The following LAMA2 variants were observed in gnomAD, a reference collection of about 807,000 sequenced individuals.
LAMA2 encodes laminin subunit alpha-2.
A neutral mutation model predicts 364.8 loss-of-function variants in LAMA2; 269 were observed. The ratio of observed to expected loss-of-function variants is 0.74; its 90% confidence interval spans 0.67 to 0.82. The LOEUF is 0.82. Ranked by LOEUF, LAMA2 falls within the 40% of genes least tolerant of loss-of-function variation. LAMA2 has a pLI of 0.00. For synonymous variants in LAMA2, 1,379 were observed against 1,370.6 expected, an observed-to-expected ratio of 1.01 and a Z score of -0.14; for missense variants, 3,807 against 3,873.2, an observed-to-expected ratio of 0.98 and a Z score of 0.45.
At chr6:129,270,516 T>A in intron 16 of LAMA2, 108 bp from the exon 17 acceptor site, 2 of 1,109,848 alleles carry the variant, frequency 1.8e-6, no homozygotes, top group South Asian at 1.3e-5. Flanking sequence ...CATGGAAAAA[T>A]TATTCTTGCT....
chr6:129,367,827 G>A (rs1355852027), intron 33 of LAMA2, among the ~76,000 whole-genome samples: 1 of 152,180 alleles, frequency 6.6e-6, no homozygotes, highest in Non-Finnish European at 1.5e-5. Context: ...TAGGAAAGAA[G>A]TTGTCATGGT....
chr6:129,222,114 C>T (rs1385448851), intron 12 of LAMA2, among the ~76,000 whole-genome samples: 6 of 152,090 alleles, frequency 3.9e-5, no homozygotes, highest in African/African-American at 1.4e-4. Context: ...TAGTTGCAAA[C>T]ATTGCTCATG....
intron 27 of LAMA2, among the ~76,000 whole-genome samples, chr6:129,318,896 T>A (rs903385773): frequency 6.6e-6 from 1 of 152,194 alleles, no homozygotes; most frequent in Admixed American, 6.5e-5. Flanking sequence ...ATTGTCACAT[T>A]TTAAAGTTTA....
At chr6:129,240,556 A>C (rs113569587) in intron 12 of LAMA2, among the ~76,000 whole-genome samples, 12 of 152,090 alleles carry the variant, frequency 7.9e-5, no homozygotes, top group African/African-American at 2.7e-4. Context: ...GGGACCATCA[A>C]CATCCTGGTC....
intron 1 of LAMA2, among the ~76,000 whole-genome samples, chr6:128,925,239 A>G (rs1779011125): frequency 6.6e-6 from 1 of 152,208 alleles, no homozygotes; most frequent in South Asian, 2.1e-4. Context: ...CATTATTTAC[A>G]ATGGCCAAAA....
intron 3 of LAMA2, among the ~76,000 whole-genome samples, chr6:129,096,642 A>G (rs1775205922): frequency 1.3e-5 from 2 of 152,200 alleles, no homozygotes; most frequent in African/African-American, 4.8e-5. Flanking sequence ...TGTCCTTGCT[A>G]TGCTGGGGTC....
At chr6:129,345,480 A>T (rs1330917846) in intron 30 of LAMA2, among the ~76,000 whole-genome samples, 3 of 152,166 alleles carry the variant, frequency 2.0e-5, no homozygotes, top group Non-Finnish European at 4.4e-5. Context: ...GGTTAGCAGG[A>T]TCAATAACAG....
At chr6:128,966,107 A>AT (rs199667878) in intron 1 of LAMA2, among the ~76,000 whole-genome samples, 4,594 of 151,182 alleles carry the variant, frequency 0.03, 242 homozygotes, top group African/African-American at 0.1. Flanking sequence ...TTTTGAATAC[A>AT]TTTTTAATAT....
chr6:128,957,836 A>ATTTTTTT (rs10652900), intron 1 of LAMA2, among the ~76,000 whole-genome samples: 6 of 51,264 alleles, frequency 1.2e-4, no homozygotes, highest in Non-Finnish European at 1.7e-4. Context: ...TACTTCATGC[A>ATTTTTTT]TTTTTTTTTT....
In LAMA2 at chr6:129,214,702, G is replaced by A. The variant is rs149359721; in HGVS notation, c.1782+21849G>A. On this transcript the variant is annotated intron_variant, in intron 12 of 64. Transcript: ENST00000421865. ...CTATAGTTTTATACTAAGTCTTGAAGTTGGGTAGTGTTAGCTTTACAAGTT... is the reference window on the plus strand; with the variant it reads ...CTATAGTTTTATACTAAGTCTTGAAATTGGGTAGTGTTAGCTTTACAAGTT... Among the ~76,000 whole-genome samples, 3 of 152,268 alleles carry A rather than the reference G, an allele frequency of 2.0e-5. 1 individual carries two copies. In the East Asian group the frequency reaches 5.8e-4, roughly 29 times the overall value.
intron 1 of LAMA2, among the ~76,000 whole-genome samples, chr6:128,942,707 C>T (rs1780232078): frequency 6.6e-6 from 1 of 151,918 alleles, no homozygotes; most frequent in African/African-American, 2.4e-5. Context: ...AATATGTAGT[C>T]TTATTTTGGA....
chr6:128,924,830 G>T (rs1397589171), intron 1 of LAMA2, among the ~76,000 whole-genome samples: 2 of 152,094 alleles, frequency 1.3e-5, no homozygotes, highest in East Asian at 1.9e-4. Context: ...TTAGAGAAGA[G>T]AATTATTTAA....
At chr6:129,352,481 T>G (rs1179337451) in intron 31 of LAMA2, among the ~76,000 whole-genome samples, 1 of 152,188 alleles carries the variant, frequency 6.6e-6, no homozygotes, top group Non-Finnish European at 1.5e-5. Context: ...AAAGAAAAGA[T>G]GAATAAAAGT....
rs534408564 is a variant in LAMA2, at chr6:129,455,871, C to A, written c.6708-464C>A. Among the ~76,000 whole-genome samples the A allele has an allele frequency of 4.6e-5, 7 of 152,208 alleles. No individual in the cohort carries two copies. In the South Asian group the frequency reaches 1.5e-3, roughly 32 times the overall value. On this transcript the variant is annotated intron_variant, in intron 47 of 64. Coordinates refer to ENST00000421865, the MANE Select transcript of LAMA2 (RefSeq NM_000426.4). ...ATAAAGAATTTTAGGAGAAATCATG[C>A]AGCTTATGATATGAAAGGGTGGCTC... is the stretch of plus-strand genomic sequence containing the variant.
intron 42 of LAMA2, among the ~76,000 whole-genome samples, chr6:129,439,502 G>A (rs1169031094): frequency 6.6e-6 from 1 of 151,954 alleles, no homozygotes; most frequent in Non-Finnish European, 1.5e-5. Context: ...TGCAGTAATA[G>A]GTGATAGCCC....
chr6:129,098,443 C>G (rs765196999), intron 4 of LAMA2, 28 bp downstream of exon 4: 2 of 1,612,442 alleles, frequency 1.2e-6, no homozygotes, highest in Non-Finnish European at 1.7e-6. Context: ...ACCATTTAAG[C>G]ACATTTGATA....
chr6:128,930,858 A>G (rs1425968258), intron 1 of LAMA2, among the ~76,000 whole-genome samples: 1 of 152,130 alleles, frequency 6.6e-6, no homozygotes, highest in Non-Finnish European at 1.5e-5. Flanking sequence ...TGTGCATCTC[A>G]ACTTCCTTTT....
At position 129,481,417 on chromosome 6, in the gene LAMA2, G is replaced by C; in HGVS notation, c.7727G>C (p.Arg2576Thr). 1.2e-6 allele frequency: 2 copies of C among 1,613,886 alleles called. No individual in the cohort carries two copies. Among genetic ancestry groups the C allele is most frequent in the Non-Finnish European group, 1.7e-6 (2 of 1,179,832 alleles). The change falls in exon 55 of 65, where the codon AGA (arginine) becomes ACA (threonine). Residue 2576 changes from arginine to threonine, a missense_variant. Physicochemically the swap from Arg to Thr is moderately conservative, Grantham distance 71. Transcript: ENST00000421865. ...GSGGTPAPPR[R>T]KRRQTGQAYY... is the part of the protein sequence containing the mutation. The stretch of plus-strand genomic sequence containing the variant: ...GGAGGGACACCAGCACCACCTAGGA[G>C]AAAACGAAGGCAGACTGGACAGGTA...
At chr6:129,247,754 G>GA (rs1282208671) in intron 12 of LAMA2, among the ~76,000 whole-genome samples, 16 of 152,200 alleles carry the variant, frequency 1.1e-4, no homozygotes, top group Admixed American at 7.2e-4. Context: ...AAAGAGTTTA[G>GA]AAAAAAATCA....
Sources: gnomAD v4.1 joint callset for allele counts (sites outside exome capture counted in the v4.1 genomes callset) on GRCh38, gnomAD v4.1.1 for gene constraint, MANE v1.5 for transcripts, NCBI Gene and HGNC (gene_info 2026-07-23, HGNC 2026-07-21) for gene names.